Variants in KCNT2 observed in about 807,000 individuals in gnomAD.
KCNT2 encodes potassium sodium-activated channel subfamily T member 2.
In KCNT2, 67 loss-of-function variants were observed where a neutral mutation model predicts 153.8. The ratio of observed to expected loss-of-function variants is 0.44; its 90% CI spans 0.36 to 0.53. The LOEUF (loss-of-function observed/expected upper bound fraction) is 0.53. Among genes scored for constraint, KCNT2 ranks in the 20% least tolerant of loss-of-function variants. The pLI, the probability that KCNT2 is intolerant of heterozygous loss-of-function variation, is 0.00. For missense variants in KCNT2, 975 were observed against 1,354.8 expected, an observed-to-expected ratio of 0.72 and a Z score of 4.40; for synonymous variants, 500 against 458.8, an observed-to-expected ratio of 1.09 and a Z score of -1.15.
intron 23 of KCNT2, among the ~76,000 whole-genome samples, chr1:196,282,894 G>T (rs1321304563): frequency 6.6e-6 from 1 of 152,126 alleles, no homozygotes; most frequent in Admixed American, 6.5e-5. Flanking sequence ...ATCCAGGCTG[G>T]AGTGCAGTGG....
Position 196,430,704 on chromosome 1 carries a change from G to A in KCNT2, c.639-947C>T, listed in dbSNP as rs114191595. ...GTGCAAAGCTATTGATGAGGTGACA[G>A]TAAGAGAGCAGCGTAAAAGTTGTTA... On this transcript the variant is annotated intron_variant, in intron 8 of 27. Coordinates refer to ENST00000294725, the MANE Select transcript of KCNT2 (RefSeq NM_198503.5). Among the ~76,000 whole-genome samples the A allele has an allele frequency of 5.5e-3, 831 of 152,180 alleles. 5 individuals are homozygous for A. The highest frequency in any genetic ancestry group is 0.019 in the African/African-American group (777 of 41,540).
chr1:196,435,195 C>T (rs1572440025), intron 8 of KCNT2, among the ~76,000 whole-genome samples: 2 of 114,556 alleles, frequency 1.7e-5, no homozygotes, highest in Non-Finnish European at 3.5e-5. Context: ...ATATGGACTA[C>T]AGCATCTGGA....
At chr1:196,327,882 C>A (rs533002848) in intron 18 of KCNT2, among the ~76,000 whole-genome samples, 14 of 151,922 alleles carry the variant, frequency 9.2e-5, no homozygotes, top group Admixed American at 9.2e-4. Flanking sequence ...AGCAATCCAC[C>A]CACCTCAGCC....
At chr1:196,498,268 A>G (rs1489583457) in intron 1 of KCNT2, among the ~76,000 whole-genome samples, 1 of 152,140 alleles carries the variant, frequency 6.6e-6, no homozygotes, top group African/African-American at 2.4e-5. Context: ...CCATTCTTTC[A>G]GAAACACTAG....
At chr1:196,504,366 A>C (rs1437555947) in intron 1 of KCNT2, among the ~76,000 whole-genome samples, 4 of 151,808 alleles carry the variant, frequency 2.6e-5, no homozygotes, top group African/African-American at 9.7e-5. Flanking sequence ...TAGTTTACTG[A>C]GAATCATGAT....
intron 22 of KCNT2, among the ~76,000 whole-genome samples, chr1:196,288,419 T>C (rs1288596565): frequency 6.6e-6 from 1 of 152,094 alleles, no homozygotes; most frequent in Non-Finnish European, 1.5e-5. Flanking sequence ...AATTTCATCT[T>C]ACAGGCAATG....
intron 8 of KCNT2, among the ~76,000 whole-genome samples, chr1:196,460,883 T>C (rs1677087034): frequency 1.3e-5 from 2 of 151,824 alleles, no homozygotes; most frequent in South Asian, 4.1e-4. Context: ...TGTGACTTCG[T>C]CTTATTTTGT....
At chr1:196,467,871 G>A in intron 6 of KCNT2, 85 bp from the exon 7 acceptor site, 3 of 659,104 alleles carry the variant, frequency 4.6e-6, no homozygotes, top group Non-Finnish European at 7.5e-6. Context: ...TGGAAAAAAA[G>A]CTGTTAAAGA....
chr1:196,287,440 AAAACAAACAAAC>A lies in KCNT2; in HGVS notation c.2596-1694_2596-1683del, dbSNP rs56394042. On this transcript the variant is annotated intron_variant, in intron 22 of 27. Transcript: ENST00000294725. The stretch of plus-strand genomic sequence containing the variant: ...GAATTTGATGTTACATTTACTCTTC[AAAACAAACAAAC>A]AAACAAACAAACAAACAAACAAACA... Among the ~76,000 whole-genome samples, 299 of 151,046 alleles carry A rather than the reference AAAACAAACAAAC, an allele frequency of 2.0e-3. 2 individuals carry two copies. The highest frequency in any genetic ancestry group is 5.6e-3 in the South Asian group (27 of 4,786).
intron 26 of KCNT2, among the ~76,000 whole-genome samples, chr1:196,238,764 G>T (rs1196075200): frequency 6.6e-6 from 1 of 151,818 alleles, no homozygotes; most frequent in East Asian, 1.9e-4. Context: ...AAACCAACAC[G>T]GCACATGCAT....
At chr1:196,388,460 G>A (rs1418224822) in intron 13 of KCNT2, among the ~76,000 whole-genome samples, 2 of 151,384 alleles carry the variant, frequency 1.3e-5, no homozygotes, top group African/African-American at 2.4e-5. Flanking sequence ...CAGTTGAAAC[G>A]TATTGAATCT....
chr1:196,542,986 T>C (rs903036872), intron 1 of KCNT2, among the ~76,000 whole-genome samples: 1 of 152,074 alleles, frequency 6.6e-6, no homozygotes, highest in Non-Finnish European at 1.5e-5. Context: ...TGGTGGAACA[T>C]TAAGGAATAA....
intron 13 of KCNT2, among the ~76,000 whole-genome samples, chr1:196,378,637 C>T (rs775859680): frequency 2.0e-5 from 3 of 149,848 alleles, no homozygotes; most frequent in Non-Finnish European, 4.4e-5. Context: ...CTTTAGGCAC[C>T]CAAGAAACCA....
intron 11 of KCNT2, among the ~76,000 whole-genome samples, chr1:196,423,622 G>C (rs957222038): frequency 2.0e-5 from 3 of 151,246 alleles, no homozygotes; most frequent in African/African-American, 7.3e-5. Context: ...TAGTGATAAA[G>C]ACACAGTATA....
intron 21 of KCNT2, among the ~76,000 whole-genome samples, chr1:196,314,977 A>G (rs1434386024): frequency 6.6e-6 from 1 of 151,764 alleles, no homozygotes; most frequent in Non-Finnish European, 1.5e-5. Flanking sequence ...TTTGCCTAAG[A>G]TCATACTAAA....
At chr1:196,379,289 G>C (rs1007792632) in intron 13 of KCNT2, among the ~76,000 whole-genome samples, 4 of 151,980 alleles carry the variant, frequency 2.6e-5, no homozygotes, top group Non-Finnish European at 5.9e-5. Flanking sequence ...AATTATATGT[G>C]GCAGGGTGTG....
At chr1:196,541,279 C>A (rs1288485091) in intron 1 of KCNT2, among the ~76,000 whole-genome samples, 1 of 151,530 alleles carries the variant, frequency 6.6e-6, no homozygotes, top group Admixed American at 6.6e-5. Context: ...TTGAAAAAAA[C>A]AGAAATAAAA....
rs972186955 is a variant in KCNT2, at chr1:196,437,552, A to G, written c.639-7795T>C. Among the ~76,000 whole-genome samples the G allele has an allele frequency of 6.7e-5, 10 of 149,634 alleles. No homozygotes were observed. In the Admixed American group the frequency reaches 6.7e-4, roughly 10 times the overall value. ...AATATAAAAAAGAAATCAATGTCAC[A>G]CCATGTTCTATTTATAATTTTTGCT... On this transcript the variant is annotated intron_variant, in intron 8 of 27. Coordinates refer to ENST00000294725, the MANE Select transcript of KCNT2 (RefSeq NM_198503.5).
chr1:196,449,837 T>C (rs1309493675), intron 8 of KCNT2, among the ~76,000 whole-genome samples: 1 of 151,652 alleles, frequency 6.6e-6, no homozygotes, highest in Non-Finnish European at 1.5e-5. Flanking sequence ...AAATGAAGAA[T>C]TTTAAAAGAA....
Sources: gnomAD v4.1 joint callset for allele counts (sites outside exome capture counted in the v4.1 genomes callset) on GRCh38, gnomAD v4.1.1 for gene constraint, MANE v1.5 for transcripts, NCBI Gene and HGNC (gene_info 2026-07-23, HGNC 2026-07-21) for gene names.